KIDINS220: variants seen among roughly 807,000 people sequenced by gnomAD.
KIDINS220 encodes kinase D interacting substrate 220.
KIDINS220 carries 63 observed loss-of-function variants against 157.6 expected under a neutral mutation model. That is an observed-to-expected ratio of 0.40 (90% CI 0.33 to 0.49). The LOEUF (loss-of-function observed/expected upper bound fraction) is 0.49, where lower values mean the gene tolerates loss of function less well. Among genes scored for constraint, KIDINS220 ranks in the 20% least tolerant of loss-of-function variants. KIDINS220 has a pLI of 0.66. For synonymous variants in KIDINS220, 732 were observed against 783.6 expected, an observed-to-expected ratio of 0.93 and a Z score of 1.10; for missense variants, 1,772 against 2,171.2, an observed-to-expected ratio of 0.82 and a Z score of 3.65.
chr2:8,727,691 CAAGT>C (rs373822421), downstream of KIDINS220, among the ~76,000 whole-genome samples: 351 of 152,328 alleles, frequency 2.3e-3, 2 homozygotes, highest in African/African-American at 7.7e-3. Flanking sequence ...AGCATTTTCG[CAAGT>C]AAGTTTCATT....
At chr2:8,800,588 T>G (rs1484171017) in intron 8 of KIDINS220, 90 bp from the exon 9 acceptor site, 2 of 962,190 alleles carry the variant, frequency 2.1e-6, no homozygotes, top group Non-Finnish European at 3.1e-6. Flanking sequence ...GTTTTCATAT[T>G]TTTTTCTAAA....
intron 15 of KIDINS220, among the ~76,000 whole-genome samples, chr2:8,787,385 T>C (rs953639025): frequency 6.6e-6 from 1 of 151,954 alleles, no homozygotes; most frequent in African/African-American, 2.4e-5. Flanking sequence ...GCTTTTTTTT[T>C]TTGAGCAGGG....
chr2:8,730,126 A>C lies in KIDINS220; in HGVS notation c.*594T>G. 3.0e-6 allele frequency: 3 copies of C among 985,838 alleles called. No individual in the cohort carries two copies. The highest frequency in any genetic ancestry group is 3.6e-6 in the Non-Finnish European group (3 of 830,316). The allele number at this position is 985,838 out of a possible 1,614,324, so 61.1% of individuals were successfully genotyped here. On this transcript the variant is annotated 3_prime_UTR_variant, in exon 30 of 30. Transcript: ENST00000256707. ...ACACTACTGCCAGCCCTGGTGACTC[A>C]CTTTGTTGGCAATTTTTAAAGCCCT... is the stretch of plus-strand genomic sequence containing the variant.
intron 1 of KIDINS220, among the ~76,000 whole-genome samples, chr2:8,837,075 C>G (rs1035392411): frequency 6.6e-6 from 1 of 152,076 alleles, no homozygotes; most frequent in Non-Finnish European, 1.5e-5. Context: ...CCGTGGAAGC[C>G]TAGGAGGAGG....
chr2:8,806,374 TAAAAC>T lies in KIDINS220; in HGVS notation c.505-10_505-6del. 6.5e-7 allele frequency: 1 copy of T among 1,535,774 alleles called. No individual in the cohort carries two copies. Among genetic ancestry groups the T allele is most frequent in the Non-Finnish European group, 8.8e-7 (1 of 1,133,808 alleles). On this transcript the variant is annotated splice_region_variant and splice_polypyrimidine_tract_variant and intron_variant, in intron 6 of 29. Coordinates refer to ENST00000256707, the MANE Select transcript of KIDINS220 (RefSeq NM_020738.4). ...AACTAAAGGGGTGGTTCCATACTAT[TAAAAC>T]AAACAATAAATTTAAAATTATTATA...
At chr2:8,785,704 G>T in intron 17 of KIDINS220, 37 bp downstream of exon 17, 1 of 1,551,348 alleles carries the variant, frequency 6.4e-7, no homozygotes, top group Non-Finnish European at 8.7e-7. Flanking sequence ...CAACATATTC[G>T]CATTACAATT....
At chr2:8,818,458 A>G (rs1029143027) in intron 3 of KIDINS220, among the ~76,000 whole-genome samples, 1 of 152,172 alleles carries the variant, frequency 6.6e-6, no homozygotes, top group Admixed American at 6.5e-5. Context: ...ATATGTACAC[A>G]TGCTCTCTAT....
chr2:8,754,951 T>A (rs1192126671), intron 22 of KIDINS220, among the ~76,000 whole-genome samples: 1 of 152,222 alleles, frequency 6.6e-6, no homozygotes, highest in Non-Finnish European at 1.5e-5. Context: ...TTTTATTGCC[T>A]TGAAACAAAT....
intron 10 of KIDINS220, among the ~76,000 whole-genome samples, chr2:8,797,774 T>C (rs928533506): frequency 3.9e-5 from 6 of 152,352 alleles, no homozygotes; most frequent in Non-Finnish European, 5.9e-5. Flanking sequence ...CAGTTGAAAG[T>C]AGCTAGTCTG....
chr2:8,810,308 C>T lies in KIDINS220; in HGVS notation c.504+2087G>A, dbSNP rs56992112. On this transcript the variant is annotated intron_variant, in intron 6 of 29. Coordinates refer to ENST00000256707, the MANE Select transcript of KIDINS220 (RefSeq NM_020738.4). ...GATCATTTTTTCTTTGTTTTTGTAT[C>T]TTCTGTGCTAAGTGCAGGTACAGGG... 9.6e-3 allele frequency among the ~76,000 whole-genome samples: 1,458 copies of T among 152,274 alleles called. 31 individuals are homozygous for T. The highest frequency in any genetic ancestry group is 0.034 in the African/African-American group (1,397 of 41,560).
rs1467009658 is a variant in KIDINS220 at position 8,730,248 on chromosome 2, A to G, written c.*472T>C. On this transcript the variant is annotated 3_prime_UTR_variant, in exon 30 of 30. Transcript: ENST00000256707. ...CTCGGTTTACTCAGCCTCTCCCTGTAGCGTCACAGGCTGTGCACTCACCTA... is the reference window on the plus strand; with the variant it reads ...CTCGGTTTACTCAGCCTCTCCCTGTGGCGTCACAGGCTGTGCACTCACCTA... The G allele has an allele frequency of 1.0e-6, 1 of 988,504 alleles. No individual in the cohort carries two copies. The highest frequency in any genetic ancestry group is 1.2e-6 in the Non-Finnish European group (1 of 832,302). The allele number at this position is 988,504 out of a possible 1,614,324, so 61.2% of individuals were successfully genotyped here. A position where few individuals can be genotyped will look rare whatever the true frequency, so the allele number is the denominator to read the frequency against.
At chr2:8,779,261 T>C in intron 18 of KIDINS220, 122 bp from the exon 19 acceptor site, 1 of 1,291,360 alleles carries the variant, frequency 7.7e-7, no homozygotes, top group Non-Finnish European at 1.1e-6. Flanking sequence ...TTTCTTTTCA[T>C]CAAAACTTAC....
In KIDINS220 at chr2:8,729,899, T is replaced by C. The variant is rs1663794030; in HGVS notation, c.*821A>G. ...GAAAAAGAATTCATGTTTTTTTTTC[T>C]TCTCATTGCTAAGCTCACTTAGAAA... On this transcript the variant is annotated 3_prime_UTR_variant, in exon 30 of 30. Coordinates refer to ENST00000256707, the MANE Select transcript of KIDINS220 (RefSeq NM_020738.4). 2.0e-6 allele frequency: 2 copies of C among 985,376 alleles called. No homozygotes were observed. The highest frequency in any genetic ancestry group is 6.1e-5 in the Admixed American group (1 of 16,278). 61.0% of individuals were successfully genotyped at this position (985,376 alleles called of 1,614,324 possible).
chr2:8,726,595 G>T (rs13400751), downstream of KIDINS220, among the ~76,000 whole-genome samples: 30 of 152,186 alleles, frequency 2.0e-4, no homozygotes, highest in Non-Finnish European at 3.1e-4. Context: ...CGATTTTGTC[G>T]TGGGAGCATC....
intron 12 of KIDINS220, among the ~76,000 whole-genome samples, chr2:8,791,694 A>G (rs1217450633): frequency 3.3e-5 from 5 of 152,186 alleles, no homozygotes; most frequent in Admixed American, 2.6e-4. Flanking sequence ...TAGTACGTGT[A>G]ATACCTATAC....
intron 15 of KIDINS220, among the ~76,000 whole-genome samples, chr2:8,788,103 G>C (rs888259242): frequency 6.6e-6 from 1 of 152,156 alleles, no homozygotes; most frequent in Admixed American, 6.5e-5. Context: ...GTAAATAAAA[G>C]TTAAACAGGT....
intron 1 of KIDINS220, among the ~76,000 whole-genome samples, chr2:8,829,970 C>T (rs928853493): frequency 6.6e-6 from 1 of 151,848 alleles, no homozygotes; most frequent in Non-Finnish European, 1.5e-5. Flanking sequence ...AACTCAAATT[C>T]ACCACACTCC....
chr2:8,830,558 A>G (rs1318079358), intron 1 of KIDINS220, among the ~76,000 whole-genome samples: 1 of 152,168 alleles, frequency 6.6e-6, no homozygotes, highest in Non-Finnish European at 1.5e-5. Flanking sequence ...AGTTGGGACT[A>G]CAGGTGCACA....
intron 21 of KIDINS220, among the ~76,000 whole-genome samples, chr2:8,771,173 T>C (rs964838506): frequency 6.6e-6 from 1 of 152,146 alleles, no homozygotes. Flanking sequence ...AGAACATCCA[T>C]TCACCCACAA....
Sources: gnomAD v4.1 joint callset for allele counts (sites outside exome capture counted in the v4.1 genomes callset) on GRCh38, gnomAD v4.1.1 for gene constraint, MANE v1.5 for transcripts, NCBI Gene and HGNC (gene_info 2026-07-23, HGNC 2026-07-21) for gene names.